Variants in SEZ6L observed in about 807,000 individuals in gnomAD.
SEZ6L encodes the protein seizure related 6 homolog like.
Under a neutral mutation model 106.2 loss-of-function variants are expected in SEZ6L, and 37 were observed. The observed-to-expected ratio is 0.35, with a 90% CI of 0.27 to 0.46. The LOEUF is 0.46. Ranked by LOEUF, SEZ6L falls within the 20% of genes least tolerant of loss-of-function variation. The probability of loss-of-function intolerance (pLI) is 1.00; values close to 1 mark genes in which losing one functional copy is unlikely to be tolerated. For missense variants in SEZ6L, 1,172 were observed against 1,332.8 expected (o/e 0.88, Z 1.88); for synonymous variants, 541 against 570.4 (o/e 0.95, Z 0.73).
intron 1 of SEZ6L, among the ~76,000 whole-genome samples, chr22:26,230,703 A>G (rs1376017351): frequency 6.6e-6 from 1 of 152,236 alleles, no homozygotes; most frequent in Non-Finnish European, 1.5e-5. Flanking sequence ...ATATTTAAGC[A>G]GAAGCCTGAG....
chr22:26,233,764 G>A (rs763977102), intron 1 of SEZ6L, among the ~76,000 whole-genome samples: 1 of 152,194 alleles, frequency 6.6e-6, no homozygotes, highest in Non-Finnish European at 1.5e-5. Context: ...TGTGACCCCT[G>A]CTATGCAGTG....
chr22:26,270,669 ACC>A (rs2080335759), intron 1 of SEZ6L, among the ~76,000 whole-genome samples: 1 of 152,158 alleles, frequency 6.6e-6, no homozygotes, highest in Non-Finnish European at 1.5e-5. Flanking sequence ...TTATCTTTAT[ACC>A]CCTTCTTTAT....
At chr22:26,182,623 T>C (rs73156819) in intron 1 of SEZ6L, among the ~76,000 whole-genome samples, 2 of 151,990 alleles carry the variant, frequency 1.3e-5, no homozygotes, top group African/African-American at 4.8e-5. Flanking sequence ...GGGGCCCTGG[T>C]GTATAATAAC....
At chr22:26,348,860 GAGGGT>G (rs2146016586) in intron 11 of SEZ6L, among the ~76,000 whole-genome samples, 1 of 59,198 alleles carries the variant, frequency 1.7e-5, no homozygotes, top group Non-Finnish European at 3.2e-5. Flanking sequence ...GGAGGGAGGG[GAGGGT>G]GAGGGAAGGG....
chr22:26,380,397 G>T lies in SEZ6L; in HGVS notation c.*102G>T. ...CACTTGATTGAAACCCCAGAATGTC[G>T]ACTGTCTTTTGTTTAGACTCTTTAT... On this transcript the variant is annotated 3_prime_UTR_variant, in exon 17 of 17. Transcript: ENST00000248933. 1 of 907,664 alleles carries T rather than the reference G, an allele frequency of 1.1e-6. No homozygotes were observed. The highest frequency in any genetic ancestry group is 1.8e-6 in the Non-Finnish European group (1 of 552,230). The allele number at this position is 907,664 out of a possible 1,614,324, so 56.2% of individuals were successfully genotyped here.
chr22:26,351,227 C>G lies in SEZ6L; in HGVS notation c.2583C>G (p.Arg861=), dbSNP rs932506369. 4 of 1,613,920 alleles carry G rather than the reference C, an allele frequency of 2.5e-6. No individual in the cohort carries two copies. Among genetic ancestry groups the G allele is most frequent in the East Asian group, 2.2e-5 (1 of 44,862 alleles). The part of the protein sequence containing the change: ...RETGTPIWTS[R]LPHCVSEESL... The stretch of plus-strand genomic sequence containing the variant: ...CAGGGACTCCCATCTGGACGTCTCG[C>G]CTGCCCCACTGCGTTTGTGAGTCCT... Residue 861 remains arginine, a synonymous_variant, in exon 12 of 17, where the codon CGC becomes CGG. Transcript: ENST00000248933.
intron 9 of SEZ6L, among the ~76,000 whole-genome samples, chr22:26,335,105 A>G (rs2082605738): frequency 6.6e-6 from 1 of 152,174 alleles, no homozygotes; most frequent in South Asian, 2.1e-4. Flanking sequence ...GGGATGCTAG[A>G]TGCACTTGGT....
intron 1 of SEZ6L, among the ~76,000 whole-genome samples, chr22:26,224,613 G>T (rs77721940): frequency 0.018 from 2,768 of 152,260 alleles, 85 homozygotes; most frequent in African/African-American, 0.064. Flanking sequence ...CAGTTGTCTA[G>T]ATAAGAGTCT....
intron 1 of SEZ6L, among the ~76,000 whole-genome samples, chr22:26,289,369 C>T (rs905622748): frequency 1.4e-4 from 22 of 152,178 alleles, no homozygotes; most frequent in Non-Finnish European, 2.5e-4. Flanking sequence ...GAGGCAGATC[C>T]ACGTCTGGTC....
intron 1 of SEZ6L, among the ~76,000 whole-genome samples, chr22:26,280,809 T>C (rs1187334490): frequency 6.6e-6 from 1 of 152,244 alleles, no homozygotes; most frequent in Non-Finnish European, 1.5e-5. Context: ...ATTTATCACA[T>C]ACAACATGAT....
At chr22:26,235,528 C>T (rs773148284) in intron 1 of SEZ6L, among the ~76,000 whole-genome samples, 6 of 151,922 alleles carry the variant, frequency 3.9e-5, no homozygotes, top group African/African-American at 1.2e-4. Context: ...GGGGAAGCAC[C>T]GAGGCTGTGG....
Position 26,380,708 on chromosome 22 carries a change from G to A in SEZ6L, c.*413G>A, listed in dbSNP as rs2084386626. 1 of 161,004 alleles carries A rather than the reference G, an allele frequency of 6.2e-6. No homozygotes were observed. Among genetic ancestry groups the A allele is most frequent in the Non-Finnish European group, 1.4e-5 (1 of 73,582 alleles). 10.0% of individuals were successfully genotyped at this position (161,004 alleles called of 1,614,324 possible). ...CTAAGTCCCAAGATTAGGTTGGAAA[G>A]GGTATTTCTTGTTGGCTTAGTTTGG... On this transcript the variant is annotated 3_prime_UTR_variant, in exon 17 of 17. Transcript: ENST00000248933.
intron 9 of SEZ6L, among the ~76,000 whole-genome samples, chr22:26,335,447 C>T (rs1176350060): frequency 6.6e-6 from 1 of 152,158 alleles, no homozygotes; most frequent in African/African-American, 2.4e-5. Context: ...TTGCAAAGGG[C>T]ATGGGAGGTA....
At chr22:26,184,303 C>G (rs1939619180) in intron 1 of SEZ6L, among the ~76,000 whole-genome samples, 1 of 152,140 alleles carries the variant, frequency 6.6e-6, no homozygotes, top group Non-Finnish European at 1.5e-5. Flanking sequence ...TAGTACCAAG[C>G]AAGGGTGCCC....
chr22:26,289,171 A>C (rs1027489749), intron 1 of SEZ6L, among the ~76,000 whole-genome samples: 1 of 152,156 alleles, frequency 6.6e-6, no homozygotes, highest in Non-Finnish European at 1.5e-5. Flanking sequence ...CACCACCCAG[A>C]TCCCTCAGCT....
At chr22:26,192,820 C>A (rs527525347) in intron 1 of SEZ6L, among the ~76,000 whole-genome samples, 49 of 152,300 alleles carry the variant, frequency 3.2e-4, no homozygotes, top group African/African-American at 1.1e-3. Context: ...AAAGGCCTAT[C>A]TGGTCAACCC....
At chr22:26,272,683 A>G (rs761129728) in intron 1 of SEZ6L, among the ~76,000 whole-genome samples, 5 of 152,144 alleles carry the variant, frequency 3.3e-5, no homozygotes, top group Non-Finnish European at 5.9e-5. Context: ...GTTTGTAGTG[A>G]GTGTTTGTTG....
intron 4 of SEZ6L, 97 bp from the exon 5 acceptor site, chr22:26,298,884 ATCT>A: frequency 8.4e-7 from 1 of 1,189,922 alleles, no homozygotes; most frequent in Non-Finnish European, 1.1e-6. Flanking sequence ...CAGGGGCCTC[ATCT>A]TCTCTCCCCA....
chr22:26,170,608 G>A (rs1436087866), intron 1 of SEZ6L, among the ~76,000 whole-genome samples: 1 of 152,080 alleles, frequency 6.6e-6, no homozygotes, highest in East Asian at 1.9e-4. Context: ...CCCCGGTAAG[G>A]TACCCCAGGA....
Sources: gnomAD v4.1 joint callset for allele counts (sites outside exome capture counted in the v4.1 genomes callset) on GRCh38, gnomAD v4.1.1 for gene constraint, MANE v1.5 for transcripts, NCBI Gene and HGNC (gene_info 2026-07-23, HGNC 2026-07-21) for gene names.